ATP11A: variants seen among roughly 807,000 people sequenced by gnomAD.
ATP11A encodes phospholipid-transporting ATPase IH.
In ATP11A, 81 loss-of-function variants were observed where a neutral mutation model predicts 154.4. The observed-to-expected ratio is 0.52, with a 90% CI of 0.44 to 0.63. ATP11A has a LOEUF of 0.63. ATP11A is among the 30% of genes least tolerant of loss of function. The pLI is 0.00. For missense variants in ATP11A, 1,316 were observed against 1,474.3 expected (o/e 0.89, Z 1.76); for synonymous variants, 623 against 585.9 (o/e 1.06, Z -0.91).
intron 1 of ATP11A, among the ~76,000 whole-genome samples, chr13:112,711,315 AG>A (rs1887722439): frequency 6.6e-6 from 1 of 152,200 alleles, no homozygotes; most frequent in Non-Finnish European, 1.5e-5. Context: ...TAAAACTAAA[AG>A]CTGGGCCAGG....
rs1000811403 is a variant in ATP11A, at chr13:112,753,374, G to A, written c.40-31761G>A. 2.5e-4 allele frequency among the ~76,000 whole-genome samples: 38 copies of A among 152,216 alleles called. No homozygotes were observed. Among genetic ancestry groups the A allele is most frequent in the Non-Finnish European group, 4.3e-4 (29 of 68,044 alleles). ...ATCGCTTTGGAGAAGGGAGATTTCT[G>A]AGAAGGGGGGTACGTTTGCGGTTTG... On this transcript the variant is annotated intron_variant, in intron 1 of 29. Transcript: ENST00000375645. This position sits in a 1 kb window ranked among gnomAD's most constrained non-coding sequence, Gnocchi z 4.1.
intron 25 of ATP11A, among the ~76,000 whole-genome samples, chr13:112,868,420 A>G (rs1275014547): frequency 6.6e-6 from 1 of 152,152 alleles, no homozygotes; most frequent in Non-Finnish European, 1.5e-5. Flanking sequence ...CAAAGGAGGG[A>G]GGAAGTGGGG....
In ATP11A at chr13:112,725,905, G is replaced by A. The variant is rs537169477; in HGVS notation, c.39+35450G>A. On this transcript the variant is annotated intron_variant, in intron 1 of 29. Transcript: ENST00000375645. ...GCCCCTCCCCGGCAGCTGAGGTGAC[G>A]AGGGTGCCCCTGAAGGACGCCCTCA... is the stretch of plus-strand genomic sequence containing the variant. Among the ~76,000 whole-genome samples, 29 of 152,362 alleles carry A rather than the reference G, an allele frequency of 1.9e-4. No individual in the cohort carries two copies. In the East Asian group the frequency reaches 5.2e-3, roughly 27 times the overall value.
intron 1 of ATP11A, among the ~76,000 whole-genome samples, chr13:112,776,420 A>G (rs938134410): frequency 6.6e-6 from 1 of 152,114 alleles, no homozygotes; most frequent in Non-Finnish European, 1.5e-5. Context: ...AGGGCCAGTG[A>G]GGCCAGTGCT....
chr13:112,707,900 A>G (rs1483333127), intron 1 of ATP11A, among the ~76,000 whole-genome samples: 3 of 152,148 alleles, frequency 2.0e-5, no homozygotes, highest in Non-Finnish European at 2.9e-5. Context: ...ATCCACCACA[A>G]CTTTCTGAAT....
At chr13:112,828,112 T>TA (rs1257373532) in intron 12 of ATP11A, among the ~76,000 whole-genome samples, 13 of 41,184 alleles carry the variant, frequency 3.2e-4, no homozygotes, top group Admixed American at 1.4e-3. Flanking sequence ...CAGCGTTGAG[T>TA]GGGGGGAAGC....
At chr13:112,833,203 C>T (rs951852140) in intron 14 of ATP11A, among the ~76,000 whole-genome samples, 180 bp downstream of exon 14, 2 of 152,204 alleles carry the variant, frequency 1.3e-5, no homozygotes, top group Non-Finnish European at 1.5e-5. Flanking sequence ...CCCCTCCCAC[C>T]GTGATAAGCA....
At chr13:112,766,796 G>GA (rs373415498) in intron 1 of ATP11A, among the ~76,000 whole-genome samples, 2 of 112,914 alleles carry the variant, frequency 1.8e-5, no homozygotes, top group Non-Finnish European at 1.8e-5. Context: ...GAGGATGTGG[G>GA]GGCGTTGGGG....
chr13:112,824,497 C>T (rs1022289393), intron 10 of ATP11A, 72 bp downstream of exon 10: 102 of 1,425,816 alleles, frequency 7.2e-5, no homozygotes, highest in African/African-American at 1.1e-4. Context: ...GAAGTAGCTT[C>T]CTCTTGGCCT....
intron 14 of ATP11A, among the ~76,000 whole-genome samples, chr13:112,833,492 T>C (rs950194030): frequency 5.3e-5 from 8 of 152,136 alleles, no homozygotes; most frequent in East Asian, 1.9e-4. Context: ...AAAAATACTT[T>C]AAACATTCCA....
intron 28 of ATP11A, 178 bp downstream of exon 28, chr13:112,876,119 G>C: frequency 1.8e-6 from 1 of 554,744 alleles, no homozygotes; most frequent in Non-Finnish European, 2.8e-6. Context: ...CATTTGCGAT[G>C]ACCGATGTCT....
intron 29 of ATP11A, 171 bp downstream of exon 29, chr13:112,878,474 G>T: frequency 1.5e-6 from 1 of 653,234 alleles, no homozygotes; most frequent in Non-Finnish European, 2.7e-6. Context: ...CTCATGCACA[G>T]ACTGATCATG....
At chr13:112,852,278 C>CT (rs2079788127) in intron 18 of ATP11A, among the ~76,000 whole-genome samples, 1 of 152,184 alleles carries the variant, frequency 6.6e-6, no homozygotes, top group African/African-American at 2.4e-5. Context: ...GTTTGAAAGT[C>CT]TTTAAGATCC....
At chr13:112,872,768 T>C (rs2080563666) in intron 26 of ATP11A, among the ~76,000 whole-genome samples, 2 of 151,908 alleles carry the variant, frequency 1.3e-5, no homozygotes, top group African/African-American at 4.8e-5. Flanking sequence ...GACCCAGGGC[T>C]GTGGCGTCCC....
rs545565971 is a variant in ATP11A at position 112,709,903 on chromosome 13, C to T, written c.39+19448C>T. 4.6e-5 allele frequency among the ~76,000 whole-genome samples: 7 copies of T among 152,392 alleles called. No homozygotes were observed. The East Asian group carries it at 1.4e-3, about 29-fold the overall frequency. The stretch of plus-strand genomic sequence containing the variant: ...AACTGTCTGCAAATAGGAGCTGCGC[C>T]CATGAGGGCATAGCCCAGTTAGGCC... On this transcript the variant is annotated intron_variant, in intron 1 of 29. Transcript: ENST00000375645.
intron 1 of ATP11A, among the ~76,000 whole-genome samples, chr13:112,782,804 C>G (rs865997685): frequency 6.6e-6 from 1 of 152,184 alleles, no homozygotes; most frequent in African/African-American, 2.4e-5. Context: ...CCAGCAGGCT[C>G]GCGGGGAGGC....
At chr13:112,881,446 G>C (rs1250575717) in intron 29 of ATP11A, 2 of 1,067,214 alleles carry the variant, frequency 1.9e-6, no homozygotes, top group African/African-American at 3.4e-5. Flanking sequence ...CTGGGTACCG[G>C]TATGGCGTTC....
chr13:112,827,001 G>T, intron 12 of ATP11A, 110 bp downstream of exon 12: 1 of 1,071,042 alleles, frequency 9.3e-7, no homozygotes, highest in Non-Finnish European at 1.4e-6. Flanking sequence ...CCTGTAGCTG[G>T]CGTAAGACAG....
chr13:112,879,280 G>C (rs1278763), intron 29 of ATP11A, among the ~76,000 whole-genome samples: 81,064 of 152,138 alleles, frequency 0.53, 21,662 homozygotes, highest in East Asian at 0.65. Context: ...ATTTTAAACA[G>C]GATTTTTAAC....
Sources: gnomAD v4.1 joint callset for allele counts (sites outside exome capture counted in the v4.1 genomes callset) on GRCh38, gnomAD v4.1.1 for gene constraint, Gnocchi (gnomAD v3.1) non-coding constraint, MANE v1.5 for transcripts, NCBI Gene and HGNC (gene_info 2026-07-23, HGNC 2026-07-21) for gene names.